TNNI3K: variants seen among roughly 807,000 people sequenced by gnomAD.
TNNI3K encodes the protein serine/threonine-protein kinase TNNI3K.
In TNNI3K, 140 loss-of-function variants were observed where a neutral mutation model predicts 114.5. The ratio of observed to expected loss-of-function variants is 1.22; its 90% CI spans 1.07 to 1.41. The LOEUF (loss-of-function observed/expected upper bound fraction) is 1.41, where lower values mean the gene tolerates loss of function less well. Ranked by LOEUF, TNNI3K falls within the 40% of genes most tolerant of loss-of-function variation. TNNI3K has a pLI of 0.00. For missense variants in TNNI3K, 1,125 were observed against 1,007.6 expected, an observed-to-expected ratio of 1.12 and a Z score of -1.58; for synonymous variants, 347 against 347.5, an observed-to-expected ratio of 1.00 and a Z score of 0.02.
At chr1:74,435,086 T>G (rs1666063553) in intron 17 of TNNI3K, among the ~76,000 whole-genome samples, 1 of 151,982 alleles carries the variant, frequency 6.6e-6, no homozygotes, top group Non-Finnish European at 1.5e-5. Context: ...CTCCTAATAC[T>G]GAAATGACTC....
chr1:74,418,924 A>G (rs1665263956), intron 17 of TNNI3K, among the ~76,000 whole-genome samples: 1 of 152,106 alleles, frequency 6.6e-6, no homozygotes, highest in African/African-American at 2.4e-5. Context: ...AGGCATTTAG[A>G]TGCTTTCTCA....
intron 23 of TNNI3K, among the ~76,000 whole-genome samples, chr1:74,538,332 A>G (rs373170717): frequency 1.3e-5 from 2 of 151,956 alleles, no homozygotes; most frequent in African/African-American, 4.8e-5. Flanking sequence ...TTATAATAAG[A>G]CCCTTTGGGG....
intron 5 of TNNI3K, among the ~76,000 whole-genome samples, 155 bp from the exon 6 acceptor site, chr1:74,331,295 C>A (rs1050794906): frequency 9.2e-5 from 14 of 151,842 alleles, no homozygotes; most frequent in African/African-American, 3.4e-4. Context: ...CATAAAAAAA[C>A]AGGACACTGG....
At chr1:74,399,562 A>T (rs576600263) in intron 17 of TNNI3K, among the ~76,000 whole-genome samples, 1 of 151,468 alleles carries the variant, frequency 6.6e-6, no homozygotes, top group Non-Finnish European at 1.5e-5. Flanking sequence ...CCTTATGAAC[A>T]GCTGGGTGGG....
At chr1:74,286,589 C>CA (rs1017360530) in intron 5 of TNNI3K, among the ~76,000 whole-genome samples, 2 of 152,028 alleles carry the variant, frequency 1.3e-5, no homozygotes, top group Admixed American at 1.3e-4. Flanking sequence ...CTTGCCCCTA[C>CA]AAAAAAAGAC....
chr1:74,272,054 A>G lies in TNNI3K; in HGVS notation c.444+346A>G, dbSNP rs552136720. On this transcript the variant is annotated intron_variant, in intron 5 of 24. Coordinates refer to ENST00000326637, the MANE Select transcript of TNNI3K (RefSeq NM_015978.3). ...ATAAAATAGGAATATTAGTAAGCCT[A>G]TTATAATGATTAAGTTAGATAATTT... is the stretch of plus-strand genomic sequence containing the variant. Among the ~76,000 whole-genome samples the G allele has an allele frequency of 5.3e-5, 8 of 152,094 alleles. No homozygotes were observed. In the South Asian group the frequency reaches 1.7e-3, roughly 31 times the overall value.
intron 17 of TNNI3K, among the ~76,000 whole-genome samples, chr1:74,390,148 A>G (rs1226091440): frequency 6.6e-6 from 1 of 152,204 alleles, no homozygotes; most frequent in African/African-American, 2.4e-5. Context: ...TAGCTCCTAT[A>G]ATCACTGGAT....
At chr1:74,450,931 T>G (rs946461411) in intron 20 of TNNI3K, among the ~76,000 whole-genome samples, 2 of 152,176 alleles carry the variant, frequency 1.3e-5, no homozygotes, top group Admixed American at 1.3e-4. Flanking sequence ...CATTCTATTA[T>G]AAAGATACAG....
chr1:74,314,153 C>CAT (rs1020984808), intron 5 of TNNI3K, among the ~76,000 whole-genome samples: 11 of 146,724 alleles, frequency 7.5e-5, no homozygotes, highest in Non-Finnish European at 1.3e-4. Flanking sequence ...CAGTATTCCC[C>CAT]ATATATATAT....
At chr1:74,373,194 A>G (rs1182544226) in intron 17 of TNNI3K, 7 of 151,912 alleles carry the variant, frequency 4.6e-5, no homozygotes, top group Non-Finnish European at 7.4e-5. Flanking sequence ...TCCACTTTAT[A>G]TAGAAAATAA....
intron 17 of TNNI3K, among the ~76,000 whole-genome samples, chr1:74,393,380 G>T (rs1481348735): frequency 6.6e-6 from 1 of 152,016 alleles, no homozygotes; most frequent in African/African-American, 2.4e-5. Flanking sequence ...AAAGGAGAAA[G>T]AAAAATTTAT....
At chr1:74,507,186 A>G (rs778484732) in intron 23 of TNNI3K, among the ~76,000 whole-genome samples, 53 of 152,004 alleles carry the variant, frequency 3.5e-4, no homozygotes, top group Non-Finnish European at 7.2e-4. Flanking sequence ...GAAAATTTGC[A>G]AATATCACAC....
chr1:74,527,780 T>C (rs1462477764), intron 23 of TNNI3K, among the ~76,000 whole-genome samples: 1 of 152,234 alleles, frequency 6.6e-6, no homozygotes. Context: ...CCTTCATGAA[T>C]GATTTAGTCC....
chr1:74,490,730 G>T (rs1335794941), intron 22 of TNNI3K, among the ~76,000 whole-genome samples: 3 of 152,132 alleles, frequency 2.0e-5, no homozygotes, highest in Non-Finnish European at 4.4e-5. Flanking sequence ...GGCCAAGAGG[G>T]AGCTACTCAT....
At chr1:74,312,458 A>T (rs143397583) in intron 5 of TNNI3K, among the ~76,000 whole-genome samples, 18 of 152,342 alleles carry the variant, frequency 1.2e-4, no homozygotes, top group African/African-American at 4.3e-4. Context: ...CAAACAAAAC[A>T]TAAGAAAAAG....
intron 6 of TNNI3K, among the ~76,000 whole-genome samples, chr1:74,332,089 T>C (rs1210289672): frequency 6.6e-6 from 1 of 152,078 alleles, no homozygotes; most frequent in Non-Finnish European, 1.5e-5. Flanking sequence ...TCCATATTTA[T>C]AAAATTTTAT....
rs1655410608 is a variant in TNNI3K at position 74,257,709 on chromosome 1, C to T, written c.333+6940C>T. Among the ~76,000 whole-genome samples, 3 of 134,176 alleles carry T rather than the reference C, an allele frequency of 2.2e-5. No individual in the cohort carries two copies. The South Asian group carries it at 7.4e-4, about 33-fold the overall frequency. The allele number at this position is 134,176 out of a possible 152,430, so 88.0% of individuals were successfully genotyped here. A position where few individuals can be genotyped will look rare whatever the true frequency, so the allele number is the denominator to read the frequency against. On this transcript the variant is annotated intron_variant, in intron 4 of 24. Coordinates refer to ENST00000326637, the MANE Select transcript of TNNI3K (RefSeq NM_015978.3). ...TTTGAGGCGGAGTCTCGCTCTGTCA[C>T]CCAGGCTGGAGTGCAGTGGTGCGAT...
chr1:74,273,135 C>G (rs895226866), intron 5 of TNNI3K, among the ~76,000 whole-genome samples: 4 of 151,916 alleles, frequency 2.6e-5, no homozygotes, highest in African/African-American at 9.7e-5. Flanking sequence ...GGTGATCCAT[C>G]TCCCTTAACA....
chr1:74,483,243 G>A (rs1668591042), intron 21 of TNNI3K: 1 of 716,526 alleles, frequency 1.4e-6, no homozygotes, highest in Admixed American at 2.0e-5. Context: ...CTGCTTTTTA[G>A]AGTTATTAGT....
Sources: gnomAD v4.1 joint callset for allele counts (sites outside exome capture counted in the v4.1 genomes callset) on GRCh38, gnomAD v4.1.1 for gene constraint, MANE v1.5 for transcripts, NCBI Gene and HGNC (gene_info 2026-07-23, HGNC 2026-07-21) for gene names.